Variants in RNF213 observed in about 807,000 individuals in gnomAD.
RNF213 encodes ring finger protein 213.
In RNF213, 341 loss-of-function variants were observed where a neutral mutation model predicts 514.4. The observed-to-expected ratio is 0.66, with a 90% confidence interval of 0.61 to 0.73. The LOEUF (loss-of-function observed/expected upper bound fraction) is 0.73, where lower values mean the gene tolerates loss of function less well. RNF213 is among the 30% of genes least tolerant of loss of function. RNF213 has a pLI of 0.00. For missense variants in RNF213, 5,767 were observed against 6,615.6 expected, an observed-to-expected ratio of 0.87 and a Z score of 4.45; for synonymous variants, 2,655 against 2,658.2, an observed-to-expected ratio of 1.00 and a Z score of 0.04.
chr17:80,389,191 G>T lies in RNF213; in HGVS notation c.15019G>T (p.Val5007Phe), dbSNP rs2080362183. 3 of 1,614,020 alleles carry T rather than the reference G, an allele frequency of 1.9e-6. No individual in the cohort carries two copies. Among genetic ancestry groups the T allele is most frequent in the Non-Finnish European group, 2.5e-6 (3 of 1,179,986 alleles). ...TTCCCAGGACTCCCTCCCCAGCTCG[G>T]TCATTAGTGCCATCAGTGGACAGCT... is the stretch of plus-strand genomic sequence containing the variant. ...KMAQDSLPSS[V>F]ISAISGQLQS... The change falls in exon 65 of 68, where the codon GTC becomes TTC. Residue 5007 changes from valine (V) to phenylalanine (F), a missense_variant. Val to Phe is a conservative substitution (Grantham distance 50, BLOSUM62 -1). Transcript: ENST00000582970.
At chr17:80,356,198 C>T (rs769606674) in intron 36 of RNF213, among the ~76,000 whole-genome samples, 4 of 152,208 alleles carry the variant, frequency 2.6e-5, no homozygotes, top group Admixed American at 6.5e-5. Context: ...GGCGAGATTT[C>T]ACCATGTTGG....
Position 80,332,532 on chromosome 17 carries a change from C to T in RNF213, c.4044C>T (p.His1348=). 2.6e-6 allele frequency: 4 copies of T among 1,537,016 alleles called. No homozygotes were observed. ...TCGAACAGATCAAGGAATACCATCA[C>T]CTGCACCAGGCTGTCCACGCAGCCA... ...DRVEQIKEYH[H]LHQAVHAAKV... is the part of the protein sequence containing the mutation. The change falls in exon 21 of 68, where the codon CAC becomes CAT. Residue 1348 remains histidine (H), a synonymous_variant. Coordinates refer to ENST00000582970, the MANE Select transcript of RNF213 (RefSeq NM_001256071.3).
At chr17:80,261,353 T>C (rs2043411756) in intron 1 of RNF213, among the ~76,000 whole-genome samples, 1 of 152,234 alleles carries the variant, frequency 6.6e-6, no homozygotes, top group Non-Finnish European at 1.5e-5. Flanking sequence ...TCCTAACTTT[T>C]ACGAGGGAGG....
intron 17 of RNF213, among the ~76,000 whole-genome samples, chr17:80,323,102 G>A (rs1424161944): frequency 6.6e-6 from 1 of 152,124 alleles, no homozygotes; most frequent in Non-Finnish European, 1.5e-5. Flanking sequence ...TCATTCTCTT[G>A]CATGTGGACA....
chr17:80,269,706 GTATC>G (rs762389238), intron 2 of RNF213, among the ~76,000 whole-genome samples: 11 of 151,446 alleles, frequency 7.3e-5, no homozygotes, highest in Non-Finnish European at 1.2e-4. Flanking sequence ...TCTATCTTAT[GTATC>G]TATCCATTCA....
chr17:80,356,262 G>A (rs562682905), intron 36 of RNF213, among the ~76,000 whole-genome samples: 5 of 152,120 alleles, frequency 3.3e-5, no homozygotes, highest in African/African-American at 4.8e-5. Context: ...TCAGCCTCCC[G>A]AAGTGCTGGG....
rs1433651359 is a variant in RNF213 at position 80,339,291 on chromosome 17, T to C, written c.4924T>C (p.Tyr1642His). 2 of 1,536,366 alleles carry C rather than the reference T, an allele frequency of 1.3e-6. No homozygotes were observed. Among genetic ancestry groups the C allele is most frequent in the Non-Finnish European group, 1.7e-6 (2 of 1,146,258 alleles). Residue 1642 changes from tyrosine to histidine, a missense_variant, in exon 26 of 68, where the codon TAC (tyrosine) becomes CAC (histidine). Physicochemically the swap from Tyr to His is moderately conservative, Grantham distance 83. Around this residue, in one of 13 missense-constraint regions of RNF213, gnomAD observed 1,377 missense variants for 1,635.2 expected, o/e 0.84. Transcript: ENST00000582970. ...MLFRTWIAMAYCSPKQGVSLQ... is the reference protein window; with the variant it reads ...MLFRTWIAMAHCSPKQGVSLQ... ...GTTCAGGACGTGGATCGCCATGGCC[T>C]ACTGCTCCCCCAAGCAGGGTGTGTC... is the stretch of plus-strand genomic sequence containing the variant.
chr17:80,371,923 A>T lies in RNF213; in HGVS notation c.12475A>T (p.Lys4159Ter), dbSNP rs752012522. 6.3e-7 allele frequency: 1 copy of T among 1,597,104 alleles called. No homozygotes were observed. Among genetic ancestry groups the T allele is most frequent in the South Asian group, 1.1e-5 (1 of 90,744 alleles). ...YIQEYLTLLKKKAFITEDKTE... is the reference protein window; with the variant it reads ...YIQEYLTLLK The stretch of plus-strand genomic sequence containing the variant: ...TCAGGAATATTTGACCCTGTTAAAA[A>T]AGAAAGCATTCATAACTGAAGATAA... The change falls in exon 47 of 68, where the codon AAG (lysine) becomes TAG (stop). Residue 4159 changes from lysine to a stop codon, truncating the protein, a stop_gained. Coordinates refer to ENST00000582970, the MANE Select transcript of RNF213 (RefSeq NM_001256071.3). LOFTEE classifies it high-confidence loss of function.
intron 8 of RNF213, among the ~76,000 whole-genome samples, chr17:80,294,423 C>G (rs1422991559): frequency 6.6e-6 from 1 of 152,198 alleles, no homozygotes; most frequent in African/African-American, 2.4e-5. Context: ...TGCTGAGCTA[C>G]ATAGTTAGAG....
chr17:80,301,749 T>C (rs1420209184), intron 11 of RNF213, among the ~76,000 whole-genome samples: 1 of 152,142 alleles, frequency 6.6e-6, no homozygotes, highest in Non-Finnish European at 1.5e-5. Context: ...AAACTAAAAA[T>C]AGAACTACTG....
In RNF213 at chr17:80,339,214, T is replaced by TG. The variant is rs1417396796; in HGVS notation, c.4848dup (p.Gln1617AlafsTer48). ...CTGCCTCTCCAGGTCTTCTGCAGTG[T>TG]GCAGAGGCTCAGCCAGGCCTTCATC... On this transcript the variant is annotated frameshift_variant, in exon 26 of 68. Transcript: ENST00000582970. LOFTEE classifies it high-confidence loss of function. 6.7e-7 allele frequency: 1 copy of TG among 1,492,134 alleles called. No homozygotes were observed. Among genetic ancestry groups the TG allele is most frequent in the Non-Finnish European group, 8.9e-7 (1 of 1,121,996 alleles). The allele number at this position is 1,492,134 out of a possible 1,614,324, so 92.4% of individuals were successfully genotyped here. A position where few individuals can be genotyped will look rare whatever the true frequency, so the allele number is the denominator to read the frequency against.
Position 80,336,299 on chromosome 17 carries a change from T to C in RNF213, c.4448T>C (p.Val1483Ala), listed in dbSNP as rs979996574. The C allele has an allele frequency of 2.0e-6, 3 of 1,537,250 alleles. No individual in the cohort carries two copies. The highest frequency in any genetic ancestry group is 2.6e-6 in the Non-Finnish European group (3 of 1,146,924). ...ASLLFKLDPS[V>A]DFSAFMKHLK... ...CTGCTATTTAAGCTGGACCCCAGCG[T>C]GGACTTCAGTGCATTCATGAAGCAT... Residue 1483 changes from valine to alanine, a missense_variant, in exon 23 of 68, where the codon GTG (valine) becomes GCG (alanine). Val to Ala is a moderately conservative substitution (Grantham distance 64). This residue lies in a region of RNF213 where 1,377 missense variants were observed against 1,635.2 expected (regional missense o/e 0.84). Coordinates refer to ENST00000582970, the MANE Select transcript of RNF213 (RefSeq NM_001256071.3).
Position 80,345,657 on chromosome 17 carries a change from C to T in RNF213, c.7322C>T (p.Thr2441Ile). 2 of 1,614,184 alleles carry T rather than the reference C, an allele frequency of 1.2e-6. No individual in the cohort carries two copies. The highest frequency in any genetic ancestry group is 2.2e-5 in the East Asian group (1 of 44,892). The stretch of plus-strand genomic sequence containing the variant: ...CTTAGCGACCTGCGGCGTGGTGGTA[C>T]CAATGCTGACACCATAAAGCTGGTC... ...KFLSDLRRGG[T>I]NADTIKLVKV... The change falls in exon 29 of 68, where the codon ACC becomes ATC. Residue 2441 changes from threonine to isoleucine, a missense_variant. Physicochemically the swap from Thr to Ile is moderately conservative, Grantham distance 89. Around this residue, in one of 13 missense-constraint regions of RNF213, gnomAD observed 1,377 missense variants for 1,635.2 expected, o/e 0.84. Transcript: ENST00000582970. The surrounding 1 kb of genome is among the most constrained non-coding windows in gnomAD (Gnocchi z 6.0).
intron 61 of RNF213, 58 bp downstream of exon 61, chr17:80,385,679 C>T: frequency 6.8e-7 from 1 of 1,463,712 alleles, no homozygotes; most frequent in Non-Finnish European, 9.5e-7. Flanking sequence ...TCTGAAAGCT[C>T]TTCTCGTCAG....
chr17:80,356,493 A>G (rs2078827693), intron 36 of RNF213, among the ~76,000 whole-genome samples: 1 of 152,204 alleles, frequency 6.6e-6, no homozygotes, highest in African/African-American at 2.4e-5. Flanking sequence ...CACCTGCCCC[A>G]GGGCCAGCAG....
chr17:80,270,293 G>C (rs1479959810), intron 2 of RNF213, among the ~76,000 whole-genome samples: 1 of 152,234 alleles, frequency 6.6e-6, no homozygotes, highest in African/African-American at 2.4e-5. Context: ...CTGCTGTTTT[G>C]CCGTGACATA....
At chr17:80,360,496 T>C (rs1599127336) in intron 38 of RNF213, 1 of 436,556 alleles carries the variant, frequency 2.3e-6, no homozygotes, top group Non-Finnish European at 4.3e-6. Flanking sequence ...CGAAATGGGG[T>C]GTGTTCTGGC....
intron 21 of RNF213, among the ~76,000 whole-genome samples, chr17:80,333,262 G>C (rs1181593992): frequency 2.0e-5 from 3 of 149,666 alleles, no homozygotes; most frequent in Admixed American, 6.6e-5. Flanking sequence ...GGGTTTCACC[G>C]TGTTAGCCAG....
In RNF213 at chr17:80,332,615, A is replaced by G; in HGVS notation, c.4127A>G (p.Asn1376Ser). The change falls in exon 21 of 68, where the codon AAC (asparagine) becomes AGC (serine). Residue 1376 changes from asparagine (N) to serine (S), a missense_variant. This residue lies in a region of RNF213 where 516 missense variants were observed against 566.5 expected (regional missense o/e 0.91). Coordinates refer to ENST00000582970, the MANE Select transcript of RNF213 (RefSeq NM_001256071.3). Reference sequence around the variant, plus strand: ...CTGAACGGTGACTTCAGTGTTCTCAACACTTTACTAAATTTTGTAAGTTAT... The same window carrying G: ...CTGAACGGTGACTTCAGTGTTCTCAGCACTTTACTAAATTTTGTAAGTTAT... ...LGLNGDFSVL[N>S]TLLNFTDNFD... The G allele has an allele frequency of 6.7e-7, 1 of 1,496,416 alleles. No individual in the cohort carries two copies. Among genetic ancestry groups the G allele is most frequent in the East Asian group, 2.5e-5 (1 of 40,536 alleles). 92.7% of individuals were successfully genotyped at this position (1,496,416 alleles called of 1,614,324 possible).
Sources: allele counts gnomAD v4.1 joint callset (sites outside exome capture counted in the v4.1 genomes callset), GRCh38; gene constraint gnomAD v4.1.1; regional missense constraint gnomAD v4.1.1; non-coding constraint Gnocchi (gnomAD v3.1); transcripts MANE v1.5; gene names NCBI Gene and HGNC (gene_info 2026-07-23, HGNC 2026-07-21).